AMD1: variants seen among roughly 807,000 people sequenced by gnomAD.
AMD1 encodes the protein S-adenosylmethionine decarboxylase proenzyme.
AMD1 carries 11 observed loss-of-function variants against 40.2 expected under a neutral mutation model. The observed-to-expected ratio is 0.27, with a 90% confidence interval of 0.17 to 0.45. The LOEUF (loss-of-function observed/expected upper bound fraction) is 0.45, where lower values mean the gene tolerates loss of function less well. Among genes scored for constraint, AMD1 ranks in the 20% least tolerant of loss-of-function variants. AMD1 has a pLI of 1.00. For synonymous variants in AMD1, 121 were observed against 130.8 expected, an observed-to-expected ratio of 0.93 and a Z score of 0.51; for missense variants, 257 against 410.2, an observed-to-expected ratio of 0.63 and a Z score of 3.23.
chr6:110,863,087 G>A, the AMD1 span, among the ~76,000 whole-genome samples: 1 of 151,964 alleles, frequency 6.6e-6, no homozygotes, highest in Non-Finnish European at 1.5e-5. Flanking sequence ...TGGGACTACA[G>A]GCACCCACCA....
intron 6 of AMD1, 134 bp downstream of exon 6, chr6:110,892,577 T>C (rs1786083418): frequency 7.0e-7 from 1 of 1,426,412 alleles, no homozygotes; most frequent in Non-Finnish European, 9.7e-7. Flanking sequence ...TCATGGGGGT[T>C]TGTCGTACAC....
chr6:110,842,743 C>G, the AMD1 span, among the ~76,000 whole-genome samples: 1 of 152,098 alleles, frequency 6.6e-6, no homozygotes, highest in Non-Finnish European at 1.5e-5. Context: ...GTGCCCTAGA[C>G]AGCTAGTATA....
chr6:110,833,086 G>A, the AMD1 span, among the ~76,000 whole-genome samples: 2 of 152,324 alleles, frequency 1.3e-5, no homozygotes, highest in South Asian at 4.1e-4. Context: ...CTCCCAAAGT[G>A]CTGGGATTAT....
chr6:110,874,779 G>T, upstream of AMD1: 1 of 202,394 alleles, frequency 4.9e-6, no homozygotes, highest in Non-Finnish European at 1.0e-5. Flanking sequence ...CTCACGCAGC[G>T]CTCTCGCTTA....
At chr6:110,858,195 C>CA in the AMD1 span, 1 of 654,776 alleles carries the variant, frequency 1.5e-6, no homozygotes, top group South Asian at 1.6e-5. Flanking sequence ...CCTGCCAGGC[C>CA]GTCTGTTTCG....
the AMD1 span, among the ~76,000 whole-genome samples, chr6:110,851,586 C>CA: frequency 1.3e-5 from 2 of 152,096 alleles, no homozygotes; most frequent in Non-Finnish European, 2.9e-5. Context: ...ACTCAGCCTC[C>CA]TGAGTGGCTG....
At chr6:110,876,465 C>G (rs1029426566) in intron 1 of AMD1, among the ~76,000 whole-genome samples, 1 of 152,238 alleles carries the variant, frequency 6.6e-6, no homozygotes, top group African/African-American at 2.4e-5. Context: ...GGAGCTGTCC[C>G]TTGACAAAAA....
At position 110,893,694 on chromosome 6, in the gene AMD1, G is replaced by A. The variant is rs1341983676; in HGVS notation, c.*78G>A. The A allele has an allele frequency of 2.0e-6, 3 of 1,509,238 alleles. No individual in the cohort carries two copies. In the African/African-American group the frequency reaches 4.2e-5, roughly 21 times the overall value. 93.5% of individuals were successfully genotyped at this position (1,509,238 alleles called of 1,614,324 possible). A position where few individuals can be genotyped will look rare whatever the true frequency, so the allele number is the denominator to read the frequency against. On this transcript the variant is annotated 3_prime_UTR_variant, in exon 9 of 9. Transcript: ENST00000368885. The stretch of plus-strand genomic sequence containing the variant: ...GATGCTTTCTAGATGTCGATGCTGG[G>A]GGCAGTGCTTTCCATAACCACCACT...
At chr6:110,864,011 G>A in the AMD1 span, 6 of 395,580 alleles carry the variant, frequency 1.5e-5, no homozygotes, top group South Asian at 8.1e-5. Flanking sequence ...CCAGGCTGGA[G>A]TGCAATGGTG....
chr6:110,862,888 TGTG>T, the AMD1 span, among the ~76,000 whole-genome samples: 1 of 152,212 alleles, frequency 6.6e-6, no homozygotes, highest in Admixed American at 6.5e-5. Context: ...CTTGTGGACT[TGTG>T]GTCCTCACGA....
intron 1 of AMD1, among the ~76,000 whole-genome samples, chr6:110,886,464 C>G (rs1166529314): frequency 3.9e-5 from 6 of 152,080 alleles, no homozygotes; most frequent in Non-Finnish European, 7.3e-5. Context: ...TGCCACCACG[C>G]CCGGCTAATT....
At chr6:110,889,158 G>C (rs1400041567) in intron 3 of AMD1, 175 bp downstream of exon 3, 1 of 561,972 alleles carries the variant, frequency 1.8e-6, no homozygotes, top group Non-Finnish European at 2.7e-6. Context: ...GCAGAAAATA[G>C]GAAGCAGAGA....
chr6:110,862,330 GTT>G, the AMD1 span, among the ~76,000 whole-genome samples: 12 of 102,768 alleles, frequency 1.2e-4, no homozygotes, highest in Admixed American at 1.9e-4. Flanking sequence ...TGATTGTTCT[GTT>G]TTTTTTTTTT....
the AMD1 span, chr6:110,815,737 C>T: frequency 6.6e-6 from 1 of 152,598 alleles, no homozygotes; most frequent in East Asian, 1.9e-4. Context: ...AAGTGCCTTA[C>T]TCTAGTGGGA....
chr6:110,870,294 T>C (rs1212546405), upstream of AMD1, among the ~76,000 whole-genome samples: 1 of 152,118 alleles, frequency 6.6e-6, no homozygotes. Context: ...TCAGAAACAG[T>C]AGGAAGCCAG....
chr6:110,832,617 T>C, the AMD1 span, among the ~76,000 whole-genome samples: 1 of 152,234 alleles, frequency 6.6e-6, no homozygotes, highest in Non-Finnish European at 1.5e-5. Context: ...ACTACAAACC[T>C]ATCAGCAGTG....
the AMD1 span, among the ~76,000 whole-genome samples, chr6:110,843,735 A>G: frequency 6.6e-6 from 1 of 151,944 alleles, no homozygotes; most frequent in Non-Finnish European, 1.5e-5. Context: ...ACAGGCGTGC[A>G]CCACCACACC....
At chr6:110,814,764 CCTCTGGGACGGGACCGACGCCT>C in the AMD1 span, 1 of 658,738 alleles carries the variant, frequency 1.5e-6, no homozygotes, top group South Asian at 1.5e-5. Flanking sequence ...GGAGGGCGCC[CCTCTGGGACGGGACCGACGCCT>C]CGGACCGGGC....
At chr6:110,877,486 C>T (rs1311015968) in intron 1 of AMD1, among the ~76,000 whole-genome samples, 4 of 152,336 alleles carry the variant, frequency 2.6e-5, no homozygotes, top group East Asian at 1.9e-4. Flanking sequence ...CCCAGAGACC[C>T]CAGGGAAGGA....
Sources: allele counts gnomAD v4.1 joint callset (sites outside exome capture counted in the v4.1 genomes callset), GRCh38; gene constraint gnomAD v4.1.1; transcripts MANE v1.5; gene names NCBI Gene and HGNC (gene_info 2026-07-23, HGNC 2026-07-21).